CTNNA3: variants seen among roughly 807,000 people sequenced by gnomAD.
The protein encoded by CTNNA3 is catenin alpha-3.
CTNNA3 carries 76 observed loss-of-function variants against 95.7 expected under a neutral mutation model. The ratio of observed to expected loss-of-function variants is 0.79; its 90% CI spans 0.66 to 0.96. The LOEUF (loss-of-function observed/expected upper bound fraction) is 0.96. Among genes scored for constraint, CTNNA3 ranks in the 40% least tolerant of loss-of-function variants. The probability of loss-of-function intolerance (pLI) is 0.00; values close to 1 mark genes in which losing one functional copy is unlikely to be tolerated. For missense variants in CTNNA3, 1,191 were observed against 1,089.8 expected, an observed-to-expected ratio of 1.09 and a Z score of -1.31; for synonymous variants, 431 against 374.4, an observed-to-expected ratio of 1.15 and a Z score of -1.74.
intron 11 of CTNNA3, among the ~76,000 whole-genome samples, chr10:66,487,432 A>G (rs1302356668): frequency 6.6e-6 from 1 of 151,590 alleles, no homozygotes; most frequent in Non-Finnish European, 1.5e-5. Context: ...CGATCTCCTG[A>G]CCTCGTGATC....
chr10:67,173,647 C>G (rs546497900), intron 7 of CTNNA3, among the ~76,000 whole-genome samples: 8 of 152,260 alleles, frequency 5.3e-5, no homozygotes, highest in African/African-American at 1.9e-4. Flanking sequence ...AGGCTCAGGA[C>G]CCTTATATTT....
chr10:67,197,307 A>C (rs115459016), intron 6 of CTNNA3, among the ~76,000 whole-genome samples: 154 of 152,240 alleles, frequency 1.0e-3, no homozygotes, highest in African/African-American at 3.6e-3. Flanking sequence ...CACAGGGGGC[A>C]AGTGGAAAAA....
At chr10:67,723,822 A>T (rs1841193419) in intron 1 of CTNNA3, among the ~76,000 whole-genome samples, 1 of 151,476 alleles carries the variant, frequency 6.6e-6, no homozygotes, top group Non-Finnish European at 1.5e-5. Flanking sequence ...TCAGTGTCAT[A>T]CCCCACGTCT....
chr10:67,746,011 A>G (rs1001092730), intron 1 of CTNNA3, among the ~76,000 whole-genome samples: 1 of 152,242 alleles, frequency 6.6e-6, no homozygotes, highest in African/African-American at 2.4e-5. Context: ...CAAGCAATTT[A>G]CAGATTCAAT....
At position 66,815,008 on chromosome 10, in the gene CTNNA3, C is replaced by T. The variant is rs548762752; in HGVS notation, c.1048-39484G>A. 1.8e-4 allele frequency among the ~76,000 whole-genome samples: 28 copies of T among 151,872 alleles called. No homozygotes were observed. In the South Asian group the frequency reaches 3.1e-3, roughly 17 times the overall value. On this transcript the variant is annotated intron_variant, in intron 7 of 17. Transcript: ENST00000433211. ...TTGGGACTACAGGCGCCTGCCACCA[C>T]GCCTGGCTAATTTTTGTATTTTTAG...
intron 5 of CTNNA3, among the ~76,000 whole-genome samples, chr10:67,422,759 G>A (rs1394790867): frequency 1.3e-5 from 2 of 152,080 alleles, no homozygotes; most frequent in Non-Finnish European, 2.9e-5. Flanking sequence ...TACGTTTCCT[G>A]AGGCCTCCCA....
At chr10:66,660,237 A>G (rs1438742145) in intron 9 of CTNNA3, among the ~76,000 whole-genome samples, 2 of 152,152 alleles carry the variant, frequency 1.3e-5, no homozygotes, top group Non-Finnish European at 2.9e-5. Context: ...GAATGGAGAA[A>G]GGGGCTTTGC....
At chr10:67,053,711 A>G (rs1324425493) in intron 7 of CTNNA3, among the ~76,000 whole-genome samples, 1 of 152,204 alleles carries the variant, frequency 6.6e-6, no homozygotes, top group Non-Finnish European at 1.5e-5. Context: ...AAACAAATGA[A>G]AAAATAAATG....
chr10:67,015,167 A>G (rs1852581258), intron 7 of CTNNA3: 1 of 152,082 alleles, frequency 6.6e-6, no homozygotes. Context: ...TTCCAATATT[A>G]CCTTGTCACA....
At chr10:66,260,427 A>G (rs1186375372) in intron 13 of CTNNA3, among the ~76,000 whole-genome samples, 1 of 152,122 alleles carries the variant, frequency 6.6e-6, no homozygotes, top group Non-Finnish European at 1.5e-5. Flanking sequence ...ACAAAAGATG[A>G]TATATAAGCT....
chr10:67,462,519 AAG>A (rs1467296693), intron 5 of CTNNA3, among the ~76,000 whole-genome samples: 3 of 152,208 alleles, frequency 2.0e-5, no homozygotes, highest in Admixed American at 1.3e-4. Context: ...TCTCTTCAAA[AAG>A]GGAAAGAAAG....
At chr10:66,984,641 T>C (rs935095748) in intron 7 of CTNNA3, among the ~76,000 whole-genome samples, 3 of 152,178 alleles carry the variant, frequency 2.0e-5, no homozygotes, top group Admixed American at 2.0e-4. Flanking sequence ...ATAGTAAATA[T>C]AGCCTGCAGA....
intron 7 of CTNNA3, among the ~76,000 whole-genome samples, chr10:67,052,008 G>A (rs1361717883): frequency 1.3e-5 from 2 of 152,040 alleles, no homozygotes; most frequent in African/African-American, 4.8e-5. Flanking sequence ...GCCCACCTCA[G>A]CCTCCCAAAG....
At chr10:66,406,282 T>C (rs1036941111) in intron 11 of CTNNA3, among the ~76,000 whole-genome samples, 1 of 152,174 alleles carries the variant, frequency 6.6e-6, no homozygotes, top group African/African-American at 2.4e-5. Context: ...ATGATTGAGA[T>C]TCTTTCATCT....
At chr10:66,272,442 C>G (rs763043431) in intron 13 of CTNNA3, among the ~76,000 whole-genome samples, 2 of 152,092 alleles carry the variant, frequency 1.3e-5, no homozygotes, top group African/African-American at 4.8e-5. Context: ...AGGGGAGAAG[C>G]GCACATTTGA....
chr10:67,619,013 A>G (rs1224882342), intron 2 of CTNNA3, among the ~76,000 whole-genome samples: 2 of 152,216 alleles, frequency 1.3e-5, no homozygotes, highest in Non-Finnish European at 2.9e-5. Flanking sequence ...CACTTCTCTT[A>G]AAAGTGTAAA....
chr10:66,228,049 A>G (rs1349408220), intron 13 of CTNNA3, among the ~76,000 whole-genome samples: 2 of 151,920 alleles, frequency 1.3e-5, no homozygotes, highest in Non-Finnish European at 2.9e-5. Flanking sequence ...TATGTGGGTC[A>G]TCTCTCTTTT....
chr10:66,229,980 A>T (rs1387973899), intron 13 of CTNNA3, among the ~76,000 whole-genome samples: 1 of 150,770 alleles, frequency 6.6e-6, no homozygotes, highest in Non-Finnish European at 1.5e-5. Flanking sequence ...ACCTTCAGAA[A>T]TTTTTTTTCT....
chr10:67,629,392 G>T (rs1362215426), intron 2 of CTNNA3, among the ~76,000 whole-genome samples: 17 of 152,068 alleles, frequency 1.1e-4, no homozygotes, highest in Non-Finnish European at 8.8e-5. Context: ...ACCAGCAGCA[G>T]TCACCATCCA....
Sources: allele counts gnomAD v4.1 joint callset (sites outside exome capture counted in the v4.1 genomes callset), GRCh38; gene constraint gnomAD v4.1.1; transcripts MANE v1.5; gene names NCBI Gene and HGNC (gene_info 2026-07-23, HGNC 2026-07-21).